The following SLC22A15 variants were observed in gnomAD, a reference collection of about 807,000 sequenced individuals.
The protein encoded by SLC22A15 is flipt 1.
A neutral mutation model predicts 62.7 loss-of-function variants in SLC22A15; 45 were observed. The ratio of observed to expected loss-of-function variants is 0.72; its 90% confidence interval spans 0.56 to 0.92. The LOEUF is 0.92. Among genes scored for constraint, SLC22A15 ranks in the 40% least tolerant of loss-of-function variants. The pLI is 0.00. For synonymous variants in SLC22A15, 264 were observed against 267.0 expected (o/e 0.99, Z 0.11); for missense variants, 622 against 665.6 (o/e 0.93, Z 0.72).
At chr1:116,052,481 A>G (rs545906631) in intron 8 of SLC22A15, among the ~76,000 whole-genome samples, 1 of 152,332 alleles carries the variant, frequency 6.6e-6, no homozygotes, top group African/African-American at 2.4e-5. Context: ...GCACAGACAA[A>G]CAAAAAGACA....
At chr1:116,019,810 G>A (rs143769971) in intron 3 of SLC22A15, 96 bp downstream of exon 3, 82 of 1,328,674 alleles carry the variant, frequency 6.2e-5, no homozygotes, top group Non-Finnish European at 7.4e-5. Context: ...AAGGTTCTCC[G>A]GGAATTGGCA....
At chr1:116,064,007 T>C (rs1008859696) in intron 9 of SLC22A15, among the ~76,000 whole-genome samples, 3 of 152,196 alleles carry the variant, frequency 2.0e-5, no homozygotes, top group African/African-American at 4.8e-5. Context: ...CATAAAACCC[T>C]GGCAGTCTGT....
chr1:116,052,187 G>A (rs1486231263), intron 8 of SLC22A15, among the ~76,000 whole-genome samples: 1 of 152,132 alleles, frequency 6.6e-6, no homozygotes, highest in Non-Finnish European at 1.5e-5. Context: ...TGGAAAATCG[G>A]GTCACTCCCA....
At chr1:115,977,322 G>A (rs2488434) in intron 1 of SLC22A15, among the ~76,000 whole-genome samples, 134,089 of 152,218 alleles carry the variant, frequency 0.88, 60,367 homozygotes, top group East Asian at 1. Context: ...AGACTCCCGT[G>A]AGCCGAATAG....
At chr1:116,045,302 C>T (rs1372919551) in intron 8 of SLC22A15, among the ~76,000 whole-genome samples, 1 of 151,986 alleles carries the variant, frequency 6.6e-6, no homozygotes, top group Non-Finnish European at 1.5e-5. Context: ...CCACCTCGGC[C>T]TCCCAAAGTG....
chr1:116,032,423 T>C (rs1217991588), intron 6 of SLC22A15: 1 of 985,278 alleles, frequency 1.0e-6, no homozygotes, highest in Non-Finnish European at 1.2e-6. Flanking sequence ...GGCTTATATG[T>C]ATTTGCCATG....
intron 2 of SLC22A15, among the ~76,000 whole-genome samples, chr1:116,004,355 C>A (rs1775705): frequency 6.6e-6 from 1 of 152,072 alleles, no homozygotes; most frequent in African/African-American, 2.4e-5. Flanking sequence ...GTGTTCTAGT[C>A]GGCCATCTTG....
intron 5 of SLC22A15, among the ~76,000 whole-genome samples, chr1:116,028,562 T>C (rs1046694790): frequency 4.4e-5 from 6 of 137,474 alleles, no homozygotes; most frequent in Admixed American, 8.2e-5. Context: ...ATATATAGTC[T>C]GAACTAGTTA....
intron 8 of SLC22A15, among the ~76,000 whole-genome samples, chr1:116,043,214 A>G (rs1314438969): frequency 6.6e-6 from 1 of 152,210 alleles, no homozygotes; most frequent in Non-Finnish European, 1.5e-5. Flanking sequence ...ACTTGAGGTC[A>G]GGAGTTCAAG....
intron 6 of SLC22A15, among the ~76,000 whole-genome samples, 174 bp from the exon 7 acceptor site, chr1:116,035,013 G>C (rs1041119383): frequency 6.6e-6 from 1 of 152,042 alleles, no homozygotes; most frequent in Non-Finnish European, 1.5e-5. Context: ...TTTTTTCCTA[G>C]TGTTGAAATT....
At chr1:115,980,816 T>A (rs1347670387) in intron 1 of SLC22A15, among the ~76,000 whole-genome samples, 2 of 152,170 alleles carry the variant, frequency 1.3e-5, no homozygotes, top group African/African-American at 4.8e-5. Flanking sequence ...ATGAATCTTA[T>A]TTTTTGCTTT....
chr1:116,008,282 T>C (rs1326335965), intron 2 of SLC22A15, among the ~76,000 whole-genome samples: 1 of 152,216 alleles, frequency 6.6e-6, no homozygotes, highest in Non-Finnish European at 1.5e-5. Flanking sequence ...TTGTGGCAAG[T>C]AATCTTTTAA....
intron 2 of SLC22A15, among the ~76,000 whole-genome samples, chr1:115,993,821 C>G (rs1038128610): frequency 1.3e-5 from 2 of 152,116 alleles, no homozygotes; most frequent in African/African-American, 4.8e-5. Flanking sequence ...ACTTTTCCAG[C>G]CCCACTCTGC....
intron 5 of SLC22A15, among the ~76,000 whole-genome samples, chr1:116,027,691 T>C (rs1657165814): frequency 6.6e-6 from 1 of 151,670 alleles, no homozygotes; most frequent in Non-Finnish European, 1.5e-5. Flanking sequence ...AATGGTGTGA[T>C]CTCGGCTCAC....
At chr1:115,979,680 G>T (rs1390457036) in intron 1 of SLC22A15, among the ~76,000 whole-genome samples, 1 of 152,142 alleles carries the variant, frequency 6.6e-6, no homozygotes, top group Non-Finnish European at 1.5e-5. Flanking sequence ...TTGTGTATGT[G>T]TTTGCTTGTT....
chr1:115,984,902 T>A (rs897975476), intron 1 of SLC22A15, among the ~76,000 whole-genome samples: 9 of 152,158 alleles, frequency 5.9e-5, no homozygotes, highest in Non-Finnish European at 1.0e-4. Flanking sequence ...AAGAAAATAT[T>A]TTTGTACAGC....
intron 8 of SLC22A15, among the ~76,000 whole-genome samples, chr1:116,046,400 GA>G (rs149652907): frequency 6.6e-6 from 1 of 152,040 alleles, no homozygotes; most frequent in African/African-American, 2.4e-5. Context: ...TAATAATAAG[GA>G]AAAAATAGGC....
At position 116,006,002 on chromosome 1, in the gene SLC22A15, G is replaced by A. The variant is rs530147325; in HGVS notation, c.301-13580G>A. Among the ~76,000 whole-genome samples the A allele has an allele frequency of 2.2e-3, 330 of 152,262 alleles. 1 individual carries two copies. Among genetic ancestry groups the A allele is most frequent in the Middle Eastern group, 6.8e-3 (2 of 294 alleles). On this transcript the variant is annotated intron_variant, in intron 2 of 11. Coordinates refer to ENST00000369503, the MANE Select transcript of SLC22A15 (RefSeq NM_018420.3). ...ACCCCTTATAGTAGCTCCTGCTGGC[G>A]AATGGGCTCTCTGAAGAGAAGGACA... is the stretch of plus-strand genomic sequence containing the variant.
intron 2 of SLC22A15, among the ~76,000 whole-genome samples, chr1:116,017,153 G>T (rs1441542270): frequency 6.6e-6 from 1 of 151,992 alleles, no homozygotes; most frequent in Non-Finnish European, 1.5e-5. Flanking sequence ...TCCCCGAAGA[G>T]TTTTTTTGTG....
Sources: gnomAD v4.1 joint callset for allele counts (sites outside exome capture counted in the v4.1 genomes callset) on GRCh38, gnomAD v4.1.1 for gene constraint, MANE v1.5 for transcripts, NCBI Gene and HGNC (gene_info 2026-07-23, HGNC 2026-07-21) for gene names.